Variants in FBXW11 observed in about 807,000 individuals in gnomAD.
The protein encoded by FBXW11 is F-box and WD repeat domain containing 11.
Under a neutral mutation model 77.6 loss-of-function variants are expected in FBXW11, and 19 were observed. The observed-to-expected ratio is 0.24, with a 90% confidence interval of 0.17 to 0.36. FBXW11 has a LOEUF of 0.36. FBXW11 is among the 10% of genes least tolerant of loss of function. The pLI is 1.00. For synonymous variants in FBXW11, 235 were observed against 249.4 expected, an observed-to-expected ratio of 0.94 and a Z score of 0.54; for missense variants, 334 against 704.2, an observed-to-expected ratio of 0.47 and a Z score of 5.95.
At chr5:171,989,451 G>T (rs576487802) in intron 1 of FBXW11, among the ~76,000 whole-genome samples, 1 of 152,358 alleles carries the variant, frequency 6.6e-6, no homozygotes, top group Admixed American at 6.5e-5. Context: ...AATGTGAACT[G>T]CACTTCACCT....
At chr5:171,865,249 A>C in intron 13 of FBXW11, among the ~76,000 whole-genome samples, 1 of 151,978 alleles carries the variant, frequency 6.6e-6, no homozygotes, top group East Asian at 1.9e-4. Context: ...AATGACCTAC[A>C]TACGCACATG....
chr5:171,929,662 T>A (rs1762067668), intron 2 of FBXW11, among the ~76,000 whole-genome samples: 1 of 151,634 alleles, frequency 6.6e-6, no homozygotes, highest in East Asian at 2.0e-4. Flanking sequence ...CCATCCTGGC[T>A]AATGTGGTGA....
chr5:171,989,356 GGA>G (rs762425526), intron 1 of FBXW11, among the ~76,000 whole-genome samples: 6 of 152,216 alleles, frequency 3.9e-5, no homozygotes, highest in Non-Finnish European at 8.8e-5. Flanking sequence ...CCTTCATTAT[GGA>G]GAGATCTGGC....
chr5:171,882,946 G>A (rs943545202), intron 7 of FBXW11, among the ~76,000 whole-genome samples: 11 of 143,862 alleles, frequency 7.6e-5, no homozygotes, highest in Non-Finnish European at 9.1e-5. Context: ...CCTCCCACTC[G>A]TCCCCCCAAG....
intron 13 of FBXW11, among the ~76,000 whole-genome samples, chr5:171,865,231 G>C (rs1757311081): frequency 6.6e-6 from 1 of 151,622 alleles, no homozygotes; most frequent in Non-Finnish European, 1.5e-5. Context: ...AACTCTTCTG[G>C]AGGGCAAAAT....
chr5:171,961,781 G>A (rs1763926673), intron 1 of FBXW11, among the ~76,000 whole-genome samples: 1 of 152,056 alleles, frequency 6.6e-6, no homozygotes, highest in Non-Finnish European at 1.5e-5. Context: ...CGAGTAACTG[G>A]GATTACAGGC....
chr5:171,955,618 A>G (rs1484690122), intron 2 of FBXW11, among the ~76,000 whole-genome samples: 4 of 152,172 alleles, frequency 2.6e-5, no homozygotes, highest in Non-Finnish European at 4.4e-5. Context: ...ATATTAATAC[A>G]TGTTTACTTT....
At position 171,957,577 on chromosome 5, in the gene FBXW11, A is replaced by G. The variant is rs1763680892; in HGVS notation, c.147+20T>C. On this transcript the variant is annotated intron_variant, in intron 2 of 13. Coordinates refer to ENST00000517395, the MANE Select transcript of FBXW11 (RefSeq NM_001378974.1). ...TGGCATACGTAAAAACACATTTACA[A>G]CAAGAAAGAAGAGAGGCACCTGGAG... 2 of 1,601,826 alleles carry G rather than the reference A, an allele frequency of 1.2e-6. No individual in the cohort carries two copies.
At chr5:171,950,214 T>G (rs1417748830) in intron 2 of FBXW11, among the ~76,000 whole-genome samples, 1 of 152,150 alleles carries the variant, frequency 6.6e-6, no homozygotes, top group Non-Finnish European at 1.5e-5. Flanking sequence ...ACTTTTAAAG[T>G]ACACCTTAAA....
intron 1 of FBXW11, among the ~76,000 whole-genome samples, chr5:172,004,673 C>A (rs1015460162): frequency 1.3e-5 from 2 of 152,112 alleles, no homozygotes; most frequent in Non-Finnish European, 2.9e-5. Context: ...ATATGAAGTA[C>A]TTCTGTTGTA....
At chr5:171,946,805 C>CTTTT (rs70982356) in intron 2 of FBXW11, among the ~76,000 whole-genome samples, 5 of 58,634 alleles carry the variant, frequency 8.5e-5, no homozygotes, top group African/African-American at 3.1e-4. Context: ...GTGTACTTTA[C>CTTTT]TTTTTTTTTT....
intron 1 of FBXW11, among the ~76,000 whole-genome samples, chr5:171,965,138 ACT>A (rs1764115714): frequency 6.6e-6 from 1 of 152,196 alleles, no homozygotes; most frequent in Non-Finnish European, 1.5e-5. Context: ...TGGAATCAGG[ACT>A]CAAAGTCAGA....
chr5:171,951,336 G>C (rs1174361070), intron 2 of FBXW11, among the ~76,000 whole-genome samples: 1 of 152,072 alleles, frequency 6.6e-6, no homozygotes, highest in Non-Finnish European at 1.5e-5. Flanking sequence ...AGAAGTTTGA[G>C]ACCAGCCTGG....
rs1322837158 is a variant in FBXW11 at position 171,870,810 on chromosome 5, A to G, written c.1389T>C (p.His463=). ...ACCGGATGCATCGGACCAATTCTTC[A>G]TGTCCCTCTAGGACTCTTAAACAGG... ...CGACLRVLEG[H]EELVRCIRFD... Residue 463 remains histidine (H), a synonymous_variant, in exon 11 of 14, where the codon CAT becomes CAC. Coordinates refer to ENST00000517395, the MANE Select transcript of FBXW11 (RefSeq NM_001378974.1). 4.3e-6 allele frequency: 7 copies of G among 1,613,894 alleles called. No individual in the cohort carries two copies. The East Asian group carries it at 6.7e-5, about 15-fold the overall frequency.
At chr5:171,998,530 C>T (rs752822455) in intron 1 of FBXW11, among the ~76,000 whole-genome samples, 1 of 151,508 alleles carries the variant, frequency 6.6e-6, no homozygotes, top group Admixed American at 6.6e-5. Flanking sequence ...GGCTCGATGG[C>T]TCACACCTGT....
chr5:171,864,909 C>T (rs1261534141), intron 13 of FBXW11, among the ~76,000 whole-genome samples: 2 of 146,654 alleles, frequency 1.4e-5, no homozygotes, highest in Non-Finnish European at 3.0e-5. Context: ...GATACTGTCA[C>T]AATAAGTGAT....
At chr5:171,877,858 C>T (rs562839995) in intron 8 of FBXW11, among the ~76,000 whole-genome samples, 153 bp downstream of exon 8, 2 of 152,328 alleles carry the variant, frequency 1.3e-5, no homozygotes, top group South Asian at 4.1e-4. Context: ...GCTTTCCTGC[C>T]TAATTTGCGC....
intron 2 of FBXW11, among the ~76,000 whole-genome samples, chr5:171,926,022 T>C (rs984558382): frequency 1.3e-5 from 2 of 152,248 alleles, no homozygotes; most frequent in East Asian, 3.8e-4. Context: ...TATTTTACTA[T>C]TTACAAAAGC....
At chr5:171,944,592 A>AC (rs1449437657) in intron 2 of FBXW11, among the ~76,000 whole-genome samples, 4 of 151,044 alleles carry the variant, frequency 2.6e-5, no homozygotes, top group South Asian at 2.1e-4. Context: ...AAAAAAAAAA[A>AC]AACAACTAAA....
Sources: allele counts gnomAD v4.1 joint callset (sites outside exome capture counted in the v4.1 genomes callset), GRCh38; gene constraint gnomAD v4.1.1; transcripts MANE v1.5; gene names NCBI Gene and HGNC (gene_info 2026-07-23, HGNC 2026-07-21).